The following RANGAP1 variants were observed in gnomAD, a reference collection of about 807,000 sequenced individuals.
The protein encoded by RANGAP1 is ran GTPase-activating protein 1.
A neutral mutation model predicts 63.5 loss-of-function variants in RANGAP1; 38 were observed. That is an observed-to-expected ratio of 0.60 (90% CI 0.46 to 0.78). The LOEUF is 0.78. RANGAP1 is among the 30% of genes least tolerant of loss of function. The pLI, the probability that RANGAP1 is intolerant of heterozygous loss-of-function variation, is 0.00. For missense variants in RANGAP1, 630 were observed against 740.3 expected, an observed-to-expected ratio of 0.85 and a Z score of 1.73; for synonymous variants, 329 against 310.5, an observed-to-expected ratio of 1.06 and a Z score of -0.63.
At chr22:41,285,815 G>A in intron 1 of RANGAP1, 171 bp downstream of exon 1, 3 of 690,736 alleles carry the variant, frequency 4.3e-6, no homozygotes, top group South Asian at 6.6e-5. Context: ...AGGAGCCAGC[G>A]CCGCTCAACA....
chr22:41,293,103 C>A, the RANGAP1 span, among the ~76,000 whole-genome samples: 1 of 151,560 alleles, frequency 6.6e-6, no homozygotes, highest in African/African-American at 2.4e-5. Flanking sequence ...GGCGTGTTGG[C>A]GGGCGCCTGT....
chr22:41,246,513 T>G lies in RANGAP1; in HGVS notation c.*90A>C. ...CGCCCTGCCTGTGGCCAGAGTCCTG[T>G]CCAAGGCAATGGCGTAGGCTGCGCC... On this transcript the variant is annotated 3_prime_UTR_variant, in exon 16 of 16. Transcript: ENST00000356244. 7.2e-7 allele frequency: 1 copy of G among 1,379,314 alleles called. No homozygotes were observed. Among genetic ancestry groups the G allele is most frequent in the Non-Finnish European group, 1.0e-6 (1 of 996,650 alleles). 85.4% of individuals were successfully genotyped at this position (1,379,314 alleles called of 1,614,324 possible). A position where few individuals can be genotyped will look rare whatever the true frequency, so the allele number is the denominator to read the frequency against.
chr22:41,285,563 G>T, intron 1 of RANGAP1: 2 of 985,488 alleles, frequency 2.0e-6, no homozygotes, highest in Non-Finnish European at 2.4e-6. Context: ...AGGGACAGCG[G>T]CGCCAGCCCG....
upstream of RANGAP1, among the ~76,000 whole-genome samples, chr22:41,291,161 C>T (rs767239248): frequency 4.6e-5 from 7 of 152,350 alleles, no homozygotes; most frequent in South Asian, 1.4e-3. Flanking sequence ...TTCCAATAGG[C>T]ACTGTTCCAG....
At chr22:41,276,083 G>A (rs914674215) in intron 2 of RANGAP1, among the ~76,000 whole-genome samples, 9 of 152,214 alleles carry the variant, frequency 5.9e-5, no homozygotes, top group Non-Finnish European at 1.3e-4. Context: ...GGAAAAATCT[G>A]TTATAGCAAT....
chr22:41,274,843 T>C (rs1959553388), intron 2 of RANGAP1, 116 bp from the exon 3 acceptor site: 1 of 1,324,460 alleles, frequency 7.6e-7, no homozygotes, highest in South Asian at 1.3e-5. Context: ...TACCATGCAA[T>C]GAGCCTTGGC....
At chr22:41,250,534 A>T (rs956332454) in intron 13 of RANGAP1, among the ~76,000 whole-genome samples, 7 of 152,222 alleles carry the variant, frequency 4.6e-5, no homozygotes, top group African/African-American at 1.7e-4. Flanking sequence ...CAGGGTGGGG[A>T]GAGGGTTGTG....
intron 10 of RANGAP1, 102 bp downstream of exon 10, chr22:41,255,919 A>G: frequency 2.5e-6 from 3 of 1,209,752 alleles, no homozygotes; most frequent in Non-Finnish European, 3.5e-6. Context: ...ACGCCACTGT[A>G]CTTTAGCCTG....
At chr22:41,272,651 G>A (rs2034906965) in intron 3 of RANGAP1, among the ~76,000 whole-genome samples, 1 of 152,064 alleles carries the variant, frequency 6.6e-6, no homozygotes, top group South Asian at 2.1e-4. Flanking sequence ...CTCCTGAGTA[G>A]CTGGGACTAC....
chr22:41,271,571 G>A (rs533949497), intron 3 of RANGAP1, among the ~76,000 whole-genome samples: 4 of 151,852 alleles, frequency 2.6e-5, no homozygotes, highest in East Asian at 1.9e-4. Flanking sequence ...GCAGGCACCC[G>A]TAGTCCCAGC....
intron 3 of RANGAP1, among the ~76,000 whole-genome samples, chr22:41,268,864 G>C (rs2034635517): frequency 6.6e-6 from 1 of 152,064 alleles, no homozygotes; most frequent in East Asian, 1.9e-4. Flanking sequence ...AGACCAGTCT[G>C]GCCAACATGG....
Position 41,256,066 on chromosome 22 carries a change from T to C in RANGAP1, c.1028A>G (p.Glu343Gly), listed in dbSNP as rs2033812440. 1 of 1,613,998 alleles carries C rather than the reference T, an allele frequency of 6.2e-7. No homozygotes were observed. Among genetic ancestry groups the C allele is most frequent in the East Asian group, 2.2e-5 (1 of 44,878 alleles). Reference sequence around the variant, plus strand: ...GGCCATGTTGAAGCCCTCCAGCACCTCCTGAAGCTGTTCACAGCCTTCTTC... The same window carrying C: ...GGCCATGTTGAAGCCCTCCAGCACCCCCTGAAGCTGTTCACAGCCTTCTTC... Reference protein sequence around the residue: ...LGEEGCEQLQEVLEGFNMAKV... With the variant: ...LGEEGCEQLQGVLEGFNMAKV... Residue 343 changes from glutamate to glycine, a missense_variant, in exon 10 of 16, where the codon GAG becomes GGG. By Grantham distance (98) the Glu-to-Gly change is moderately conservative. Around this residue, in one of 3 missense-constraint regions of RANGAP1, gnomAD observed 428 missense variants for 465.5 expected, o/e 0.92. Coordinates refer to ENST00000356244, the MANE Select transcript of RANGAP1 (RefSeq NM_002883.4).
upstream of RANGAP1, among the ~76,000 whole-genome samples, chr22:41,290,163 A>G (rs1402814620): frequency 7.1e-6 from 1 of 141,416 alleles, no homozygotes; most frequent in African/African-American, 3.0e-5. Flanking sequence ...AAAAAAAGAG[A>G]GAGAGAGAGA....
At position 41,246,609 on chromosome 22, in the gene RANGAP1, C is replaced by G. The variant is rs1365180187; in HGVS notation, c.1758G>C (p.Lys586Asn). ...ARHSLLQTLY[K>N]V Reference sequence around the variant, plus strand: ...GATGGGAGAGGCTTTGAGTCTAGACCTTGTACAGCGTCTGCAGCAGACTGT... The same window carrying G: ...GATGGGAGAGGCTTTGAGTCTAGACGTTGTACAGCGTCTGCAGCAGACTGT... The change falls in exon 16 of 16, where the codon AAG becomes AAC. Residue 586 changes from lysine to asparagine, a missense_variant. Physicochemically the swap from Lys to Asn is moderately conservative, Grantham distance 94. This residue lies in a region of RANGAP1 where 428 missense variants were observed against 465.5 expected (regional missense o/e 0.92). Transcript: ENST00000356244. 2 of 1,573,942 alleles carry G rather than the reference C, an allele frequency of 1.3e-6. No individual in the cohort carries two copies. The highest frequency in any genetic ancestry group is 8.6e-7 in the Non-Finnish European group (1 of 1,157,720).
intron 10 of RANGAP1, among the ~76,000 whole-genome samples, chr22:41,255,438 C>T (rs1167839514): frequency 6.6e-6 from 1 of 152,150 alleles, no homozygotes; most frequent in African/African-American, 2.4e-5. Context: ...CCACCTTCAC[C>T]TCCAGGTAGA....
the RANGAP1 span, among the ~76,000 whole-genome samples, chr22:41,296,552 C>G: frequency 6.6e-6 from 1 of 150,490 alleles, no homozygotes; most frequent in Non-Finnish European, 1.5e-5. Context: ...GAGGGTGAGG[C>G]AGGAGAATCT....
At chr22:41,274,164 G>A (rs1405556452) in intron 3 of RANGAP1, among the ~76,000 whole-genome samples, 2 of 151,936 alleles carry the variant, frequency 1.3e-5, no homozygotes, top group East Asian at 1.9e-4. Flanking sequence ...TATTGCTGCG[G>A]CATTTGAGCT....
intron 6 of RANGAP1, among the ~76,000 whole-genome samples, chr22:41,259,205 T>G (rs1012967793): frequency 2.0e-5 from 3 of 152,178 alleles, no homozygotes; most frequent in African/African-American, 4.8e-5. Flanking sequence ...GTCTCCACTG[T>G]GACCCAGGAC....
intron 1 of RANGAP1, chr22:41,285,530 C>A (rs1042434916): frequency 6.1e-6 from 6 of 985,364 alleles, no homozygotes; most frequent in Non-Finnish European, 4.8e-6. Context: ...TGCAAAGCGT[C>A]AGCAGTGACT....
Sources: allele counts gnomAD v4.1 joint callset (sites outside exome capture counted in the v4.1 genomes callset), GRCh38; gene constraint gnomAD v4.1.1; regional missense constraint gnomAD v4.1.1; transcripts MANE v1.5; gene names NCBI Gene and HGNC (gene_info 2026-07-23, HGNC 2026-07-21).